The following SLC29A4 variants were observed in gnomAD, a reference collection of about 807,000 sequenced individuals.
SLC29A4 encodes the protein solute carrier family 29 member 4.
SLC29A4 carries 36 observed loss-of-function variants against 43.9 expected under a neutral mutation model. The observed-to-expected ratio is 0.82, with a 90% confidence interval of 0.63 to 1.08. SLC29A4 has a LOEUF of 1.08. SLC29A4 is among the 50% of genes least tolerant of loss of function. The pLI, the probability that SLC29A4 is intolerant of heterozygous loss-of-function variation, is 0.00. For missense variants in SLC29A4, 869 were observed against 755.3 expected (o/e 1.15, Z -1.77); for synonymous variants, 491 against 338.0 (o/e 1.45, Z -4.97).
chr7:5,298,430 C>G (rs968407099), intron 7 of SLC29A4, among the ~76,000 whole-genome samples: 1 of 152,070 alleles, frequency 6.6e-6, no homozygotes, highest in Non-Finnish European at 1.5e-5. Context: ...ACCAGATGCT[C>G]TGGTTGGTTT....
intron 1 of SLC29A4, among the ~76,000 whole-genome samples, chr7:5,285,180 G>T (rs906390349): frequency 6.6e-6 from 1 of 152,198 alleles, no homozygotes; most frequent in African/African-American, 2.4e-5. Flanking sequence ...CTTCACAGGG[G>T]AGACAGGTGT....
chr7:5,298,218 G>A (rs1356819472), intron 7 of SLC29A4, among the ~76,000 whole-genome samples: 1 of 152,186 alleles, frequency 6.6e-6, no homozygotes, highest in African/African-American at 2.4e-5. Context: ...CAGACCCAGA[G>A]AGGGGCCCAG....
At chr7:5,300,742 C>G in intron 10 of SLC29A4, 80 bp downstream of exon 10, 1 of 1,536,872 alleles carries the variant, frequency 6.5e-7, no homozygotes, top group Non-Finnish European at 8.7e-7. Flanking sequence ...CAGGCTAGAC[C>G]GCAGGAAGGT....
At chr7:5,294,604 C>G (rs1226695254) in intron 5 of SLC29A4, among the ~76,000 whole-genome samples, 2 of 152,182 alleles carry the variant, frequency 1.3e-5, no homozygotes, top group African/African-American at 4.8e-5. Flanking sequence ...TCCATGCAGA[C>G]TTTTCACTGC....
In SLC29A4 at chr7:5,303,286, C is replaced by T. The variant is rs116015094; in HGVS notation, c.*347C>T. On this transcript the variant is annotated 3_prime_UTR_variant, in exon 11 of 11. Coordinates refer to ENST00000396872, the MANE Select transcript of SLC29A4 (RefSeq NM_153247.4). The stretch of plus-strand genomic sequence containing the variant: ...CCGTGTCCCCACCCAGGACAGCAGA[C>T]ACCCGCCAGAGTGTGCGCGCCCAGT... 819 of 371,992 alleles carry T rather than the reference C, an allele frequency of 2.2e-3. 5 individuals carry two copies. Among genetic ancestry groups the T allele is most frequent in the African/African-American group, 0.016 (744 of 47,322 alleles). The allele number at this position is 371,992 out of a possible 1,614,324, so 23.0% of individuals were successfully genotyped here. A position where few individuals can be genotyped will look rare whatever the true frequency, so the allele number is the denominator to read the frequency against.
At chr7:5,300,156 C>T (rs762893651) in intron 9 of SLC29A4, among the ~76,000 whole-genome samples, 12 of 152,256 alleles carry the variant, frequency 7.9e-5, no homozygotes, top group African/African-American at 1.7e-4. Context: ...GGCTTGAGCC[C>T]GGGAGTTTGA....
At chr7:5,297,467 G>A (rs765908721) in intron 7 of SLC29A4, among the ~76,000 whole-genome samples, 1 of 152,348 alleles carries the variant, frequency 6.6e-6, no homozygotes. Flanking sequence ...GCCCCACGGC[G>A]TGGGGCGTGC....
chr7:5,295,382 C>G (rs1361239965), intron 6 of SLC29A4, among the ~76,000 whole-genome samples: 3 of 152,196 alleles, frequency 2.0e-5, no homozygotes, highest in Non-Finnish European at 4.4e-5. Context: ...ATGTGGGTGT[C>G]TCACGGGCTT....
Position 5,296,931 on chromosome 7 carries a change from C to A in SLC29A4, c.620-5C>A, listed in dbSNP as rs766241596. ...AGGCCCCGGCCCACTGTGCACGCCC[C>A]CCAGGCACGGCGGGCGTGATGATCT... On this transcript the variant is annotated splice_polypyrimidine_tract_variant and splice_region_variant and intron_variant, in intron 6 of 10. Coordinates refer to ENST00000396872, the MANE Select transcript of SLC29A4 (RefSeq NM_153247.4). 1.9e-6 allele frequency: 3 copies of A among 1,588,446 alleles called. No individual in the cohort carries two copies. The highest frequency in any genetic ancestry group is 2.7e-5 in the African/African-American group (2 of 74,554).
chr7:5,304,346 A>G lies in SLC29A4; in HGVS notation c.*1407A>G, dbSNP rs978357981. The stretch of plus-strand genomic sequence containing the variant: ...AGGATCAGGGAGGATGGCCACATGC[A>G]GCCCATTTGAAGGGGAAACAAAGTG... On this transcript the variant is annotated 3_prime_UTR_variant, in exon 11 of 11. Transcript: ENST00000396872. 7.6e-6 allele frequency: 1 copy of G among 131,022 alleles called. No homozygotes were observed. The highest frequency in any genetic ancestry group is 1.6e-5 in the Non-Finnish European group (1 of 63,764). 8.1% of individuals were successfully genotyped at this position (131,022 alleles called of 1,614,324 possible).
intron 1 of SLC29A4, among the ~76,000 whole-genome samples, chr7:5,285,989 A>T (rs1209380072): frequency 6.6e-6 from 1 of 151,660 alleles, no homozygotes; most frequent in African/African-American, 2.4e-5. Context: ...CAGCCTTGGC[A>T]ACAAAGCGAG....
chr7:5,284,964 C>T (rs1049152535), intron 1 of SLC29A4, among the ~76,000 whole-genome samples: 3 of 152,190 alleles, frequency 2.0e-5, no homozygotes, highest in South Asian at 4.1e-4. Context: ...GAACACAGAC[C>T]AGGCCTTTCT....
intron 10 of SLC29A4, among the ~76,000 whole-genome samples, chr7:5,302,061 A>G (rs1056772263): frequency 1.3e-5 from 2 of 152,020 alleles, no homozygotes; most frequent in African/African-American, 4.8e-5. Context: ...AGCAATTCTC[A>G]TGCCTCAGCC....
chr7:5,306,187 A>ATTTGTTTTTTTTTT lies in SLC29A4; in HGVS notation c.*3251_*3252insGTTTTTTTTTTTTT, dbSNP rs1333210739. ...ATTTTTTCTCATGTAAATTTGTTCA[A>ATTTGTTTTTTTTTT]TTTCTTTTTTTTTTTTTTTTTTTTT... On this transcript the variant is annotated 3_prime_UTR_variant, in exon 11 of 11. Transcript: ENST00000396872. The ATTTGTTTTTTTTTT allele has an allele frequency of 4.3e-5, 5 of 117,584 alleles. 1 individual carries two copies. Among genetic ancestry groups the ATTTGTTTTTTTTTT allele is most frequent in the Non-Finnish European group, 6.9e-5 (4 of 57,998 alleles). The allele number at this position is 117,584 out of a possible 1,614,324, so 7.3% of individuals were successfully genotyped here.
At chr7:5,294,807 A>G in intron 5 of SLC29A4, 53 bp from the exon 6 acceptor site, 2 of 1,583,140 alleles carry the variant, frequency 1.3e-6, no homozygotes, top group Non-Finnish European at 1.7e-6. Context: ...ATTTCTCCCA[A>G]GTTGACAGGT....
At chr7:5,284,760 G>A (rs995365224) in intron 1 of SLC29A4, among the ~76,000 whole-genome samples, 7 of 152,182 alleles carry the variant, frequency 4.6e-5, no homozygotes, top group African/African-American at 1.7e-4. Context: ...GGCTGGCCAA[G>A]CCGGGCAGTG....
intron 1 of SLC29A4, among the ~76,000 whole-genome samples, chr7:5,283,774 GTGTACCAGGCATCAACTAACCAGGGC>G (rs1562436940): frequency 6.6e-6 from 1 of 152,212 alleles, no homozygotes; most frequent in East Asian, 1.9e-4. Context: ...GGGACCAGGG[GTGTACCAGGCATCAACTAACCAGGGC>G]TGGTGACTGA....
At position 5,302,826 on chromosome 7, in the gene SLC29A4, G is replaced by C; in HGVS notation, c.1480G>C (p.Gly494Arg). Residue 494 changes from glycine to arginine, a missense_variant, in exon 11 of 11, where the codon GGG (glycine) becomes CGG (arginine). Transcript: ENST00000396872. The stretch of plus-strand genomic sequence containing the variant: ...CACCATGACCGTGTCCTACATGTCA[G>C]GGCTGACGCTGGGGTCCGCCGTGGC... ...GNTMTVSYMS[G>R]LTLGSAVAYC... 1.3e-6 allele frequency: 2 copies of C among 1,571,602 alleles called. No homozygotes were observed. Among genetic ancestry groups the C allele is most frequent in the Non-Finnish European group, 1.7e-6 (2 of 1,158,684 alleles).
chr7:5,299,532 C>T (rs1411881906), intron 9 of SLC29A4, 105 bp downstream of exon 9: 13 of 1,252,264 alleles, frequency 1.0e-5, no homozygotes, highest in African/African-American at 1.5e-5. Context: ...ATGCATGTGG[C>T]TCCCAGGTGG....
Sources: gnomAD v4.1 joint callset for allele counts (sites outside exome capture counted in the v4.1 genomes callset) on GRCh38, gnomAD v4.1.1 for gene constraint, MANE v1.5 for transcripts, NCBI Gene and HGNC (gene_info 2026-07-23, HGNC 2026-07-21) for gene names.